The following PCDH7 variants were observed in gnomAD, a reference collection of about 807,000 sequenced individuals.
PCDH7 encodes protocadherin-7.
PCDH7 carries 17 observed loss-of-function variants against 58.9 expected under a neutral mutation model. The observed-to-expected ratio is 0.29, with a 90% CI of 0.20 to 0.43. The LOEUF (loss-of-function observed/expected upper bound fraction) is 0.43, where lower values mean the gene tolerates loss of function less well. PCDH7 is among the 20% of genes least tolerant of loss of function. The probability of loss-of-function intolerance (pLI) is 1.00; values close to 1 mark genes in which losing one functional copy is unlikely to be tolerated. For missense variants in PCDH7, 1,274 were observed against 1,441.0 expected (o/e 0.88, Z 1.88); for synonymous variants, 664 against 616.4 (o/e 1.08, Z -1.14).
At chr4:30,853,226 T>C (rs563299723) in intron 1 of PCDH7, among the ~76,000 whole-genome samples, 2 of 152,254 alleles carry the variant, frequency 1.3e-5, no homozygotes, top group African/African-American at 4.8e-5. Context: ...CTGTGTGACC[T>C]TGTGGGAAAC....
chr4:30,970,296 CTT>C (rs144330919), intron 3 of PCDH7, among the ~76,000 whole-genome samples: 1 of 145,976 alleles, frequency 6.9e-6, no homozygotes, highest in African/African-American at 2.5e-5. Flanking sequence ...TGAATGATAC[CTT>C]TTTTTTTTTT....
chr4:30,842,574 G>A (rs1476100445), intron 1 of PCDH7, among the ~76,000 whole-genome samples: 1 of 152,128 alleles, frequency 6.6e-6, no homozygotes, highest in African/African-American at 2.4e-5. Context: ...TGAGTGGATG[G>A]ATTGGATGGA....
intron 3 of PCDH7, among the ~76,000 whole-genome samples, chr4:31,056,304 G>A (rs1464051090): frequency 6.6e-6 from 1 of 151,440 alleles, no homozygotes; most frequent in Non-Finnish European, 1.5e-5. Flanking sequence ...GGAGGTCGAA[G>A]CTGTAGTAAG....
chr4:30,724,812 T>G, intron 1 of PCDH7: 1 of 1,387,082 alleles, frequency 7.2e-7, no homozygotes, highest in Non-Finnish European at 9.4e-7. Context: ...TTCACTAAAC[T>G]ACTGAAAGAA....
At chr4:31,104,980 A>G (rs995706121) in intron 3 of PCDH7, among the ~76,000 whole-genome samples, 7 of 152,226 alleles carry the variant, frequency 4.6e-5, no homozygotes, top group African/African-American at 1.7e-4. Context: ...TAAGGAACAC[A>G]TGACAATTGG....
intron 1 of PCDH7, among the ~76,000 whole-genome samples, chr4:30,772,645 G>A (rs1721563152): frequency 1.3e-5 from 2 of 152,124 alleles, no homozygotes; most frequent in Non-Finnish European, 2.9e-5. Context: ...CCTTCTGAAG[G>A]ACTGTGACTC....
At chr4:31,001,756 G>C (rs1417971238) in intron 3 of PCDH7, among the ~76,000 whole-genome samples, 4 of 152,076 alleles carry the variant, frequency 2.6e-5, no homozygotes, top group African/African-American at 9.7e-5. Context: ...AGTTCCTTTT[G>C]ATGTTATTTT....
chr4:30,869,079 T>TA (rs1388984199), intron 1 of PCDH7: 27 of 152,148 alleles, frequency 1.8e-4, no homozygotes, highest in African/African-American at 5.5e-4. Flanking sequence ...AGCACAGAAA[T>TA]ACCACAAGGT....
chr4:30,919,459 T>G (rs1578288052), intron 1 of PCDH7, among the ~76,000 whole-genome samples: 1 of 152,306 alleles, frequency 6.6e-6, no homozygotes, highest in East Asian at 1.9e-4. Flanking sequence ...TGATTTTACT[T>G]TATTGAACGA....
chr4:30,755,685 A>T (rs1024620290), intron 1 of PCDH7, among the ~76,000 whole-genome samples: 114 of 152,080 alleles, frequency 7.5e-4, no homozygotes, highest in Non-Finnish European at 2.5e-4. Flanking sequence ...TGGGTAATTG[A>T]TGAAGAAAAG....
chr4:31,033,426 A>G (rs1188982886), intron 3 of PCDH7, among the ~76,000 whole-genome samples: 2 of 152,234 alleles, frequency 1.3e-5, no homozygotes, highest in African/African-American at 4.8e-5. Flanking sequence ...TAATAATAGA[A>G]ATATAACAAA....
intron 3 of PCDH7, among the ~76,000 whole-genome samples, chr4:31,074,870 C>T (rs116874930): frequency 2.0e-5 from 3 of 147,332 alleles, no homozygotes; most frequent in East Asian, 2.1e-4. Flanking sequence ...CCCACTGATA[C>T]ATTGCTCATC....
intron 1 of PCDH7, among the ~76,000 whole-genome samples, chr4:30,871,403 C>T (rs1192882384): frequency 6.6e-6 from 1 of 151,990 alleles, no homozygotes; most frequent in Non-Finnish European, 1.5e-5. Context: ...TGCATCCAGC[C>T]TGAAGAAGGC....
chr4:31,020,633 G>A (rs982918136), intron 3 of PCDH7, among the ~76,000 whole-genome samples: 2 of 152,192 alleles, frequency 1.3e-5, no homozygotes, highest in Non-Finnish European at 2.9e-5. Context: ...CAGGACCTGT[G>A]TGCAGAAGGG....
chr4:30,816,366 G>A (rs1160263546), intron 1 of PCDH7, among the ~76,000 whole-genome samples: 1 of 152,098 alleles, frequency 6.6e-6, no homozygotes, highest in East Asian at 1.9e-4. Flanking sequence ...ACTTTGTAGG[G>A]AAACGCTTAA....
chr4:30,889,217 A>T (rs533523243), intron 1 of PCDH7, among the ~76,000 whole-genome samples: 40 of 151,912 alleles, frequency 2.6e-4, no homozygotes, highest in African/African-American at 9.2e-4. Flanking sequence ...AGAGTTAACA[A>T]ATTAGAAAGC....
intron 3 of PCDH7, among the ~76,000 whole-genome samples, chr4:31,130,056 C>G (rs1237508402): frequency 6.6e-6 from 1 of 152,044 alleles, no homozygotes; most frequent in African/African-American, 2.4e-5. Flanking sequence ...TGCCATAAAT[C>G]CTATAAAGTA....
At chr4:31,061,550 A>G (rs942696121) in intron 3 of PCDH7, among the ~76,000 whole-genome samples, 71 of 151,766 alleles carry the variant, frequency 4.7e-4, no homozygotes, top group African/African-American at 1.6e-3. Flanking sequence ...CTTGGAGAAA[A>G]AAAAAGAGTC....
At chr4:30,736,071 C>T (rs1716211316), downstream of PCDH7, among the ~76,000 whole-genome samples, 2 of 152,188 alleles carry the variant, frequency 1.3e-5, no homozygotes, top group South Asian at 4.1e-4. Context: ...CGACTCCTCT[C>T]TACTGCTGTT....
Sources: allele counts gnomAD v4.1 joint callset (sites outside exome capture counted in the v4.1 genomes callset), GRCh38; gene constraint gnomAD v4.1.1; transcripts MANE v1.5; gene names NCBI Gene and HGNC (gene_info 2026-07-23, HGNC 2026-07-21).